EDIL3: variants seen among roughly 807,000 people sequenced by gnomAD.
EDIL3 encodes the protein EGF like and discoidin domains 3, also known as EGF-like repeat and discoidin I-like domain-containing protein 3.
Under a neutral mutation model 67.4 loss-of-function variants are expected in EDIL3, and 37 were observed. That is an observed-to-expected ratio of 0.55 (90% CI 0.42 to 0.72). The LOEUF (loss-of-function observed/expected upper bound fraction) is 0.72, where lower values mean the gene tolerates loss of function less well. Ranked by LOEUF, EDIL3 falls within the 30% of genes least tolerant of loss-of-function variation. The pLI, the probability that EDIL3 is intolerant of heterozygous loss-of-function variation, is 0.00. For missense variants in EDIL3, 527 were observed against 586.3 expected (o/e 0.90, Z 1.04); for synonymous variants, 195 against 196.3 (o/e 0.99, Z 0.05).
At chr5:84,374,394 C>A (rs1471943249) in intron 1 of EDIL3, among the ~76,000 whole-genome samples, 7 of 152,128 alleles carry the variant, frequency 4.6e-5, no homozygotes, top group Non-Finnish European at 2.9e-5. Flanking sequence ...AGAATATGTT[C>A]TCTGCTTATG....
intron 6 of EDIL3, among the ~76,000 whole-genome samples, chr5:84,083,452 G>A (rs1192831572): frequency 1.3e-5 from 2 of 152,148 alleles, no homozygotes; most frequent in Non-Finnish European, 2.9e-5. Flanking sequence ...GATGTTAAAA[G>A]AAAGAACAAT....
At chr5:84,070,675 G>T (rs994588514) in intron 6 of EDIL3, among the ~76,000 whole-genome samples, 1 of 151,146 alleles carries the variant, frequency 6.6e-6, no homozygotes, top group Non-Finnish European at 1.5e-5. Flanking sequence ...GTCTTACCAT[G>T]GGGGGTGGGA....
At chr5:84,374,270 T>TAAA (rs770824417) in intron 1 of EDIL3, among the ~76,000 whole-genome samples, 1 of 145,954 alleles carries the variant, frequency 6.9e-6, no homozygotes. Flanking sequence ...AAGAAAGGAG[T>TAAA]AAAAAATAAG....
At chr5:84,284,766 T>G (rs1478096254) in intron 1 of EDIL3, among the ~76,000 whole-genome samples, 1 of 152,162 alleles carries the variant, frequency 6.6e-6, no homozygotes, top group Non-Finnish European at 1.5e-5. Flanking sequence ...AGACCAAAGA[T>G]CATACTTGGA....
intron 9 of EDIL3, among the ~76,000 whole-genome samples, chr5:84,032,620 T>A (rs983299836): frequency 1.9e-4 from 29 of 152,150 alleles, no homozygotes; most frequent in Admixed American, 1.5e-3. Context: ...CAATAATAGT[T>A]TGGAAGAAAA....
At chr5:84,258,940 T>G (rs967477883) in intron 1 of EDIL3, among the ~76,000 whole-genome samples, 3 of 151,710 alleles carry the variant, frequency 2.0e-5, no homozygotes, top group African/African-American at 7.3e-5. Flanking sequence ...TTGTTTTCTG[T>G]TTGTTTCCCA....
chr5:84,375,752 T>C (rs1011822072), intron 1 of EDIL3, among the ~76,000 whole-genome samples: 11 of 152,184 alleles, frequency 7.2e-5, no homozygotes, highest in African/African-American at 2.4e-4. Context: ...AAAGAAAATG[T>C]ATTTCAAACC....
chr5:84,274,669 A>G (rs1258052825), intron 1 of EDIL3, among the ~76,000 whole-genome samples: 1 of 152,148 alleles, frequency 6.6e-6, no homozygotes, highest in Non-Finnish European at 1.5e-5. Context: ...GTAAATGGAC[A>G]TAGAAAAAAT....
chr5:84,167,359 A>G (rs1390725318), intron 4 of EDIL3, among the ~76,000 whole-genome samples: 1 of 152,002 alleles, frequency 6.6e-6, no homozygotes, highest in Non-Finnish European at 1.5e-5. Context: ...TCCTTTCCTC[A>G]GACTCCCACA....
At chr5:84,092,355 G>A (rs2112268907) in intron 6 of EDIL3, among the ~76,000 whole-genome samples, 1 of 152,230 alleles carries the variant, frequency 6.6e-6, no homozygotes, top group East Asian at 1.9e-4. Flanking sequence ...CTCAAACTTT[G>A]TAAATATAAT....
chr5:84,052,541 A>G (rs1746360240), intron 9 of EDIL3, among the ~76,000 whole-genome samples: 1 of 152,174 alleles, frequency 6.6e-6, no homozygotes, highest in Non-Finnish European at 1.5e-5. Flanking sequence ...AAGACCCATC[A>G]GTGTGCTGTA....
intron 1 of EDIL3, among the ~76,000 whole-genome samples, chr5:84,283,388 T>G (rs769438627): frequency 1.3e-5 from 2 of 152,178 alleles, no homozygotes; most frequent in African/African-American, 2.4e-5. Context: ...TCACCCTAAC[T>G]TCAATTTTTT....
intron 9 of EDIL3, among the ~76,000 whole-genome samples, chr5:84,052,045 AG>A (rs1204437515): frequency 6.6e-6 from 1 of 152,242 alleles, no homozygotes; most frequent in Non-Finnish European, 1.5e-5. Flanking sequence ...AAAAACGTTA[AG>A]GGCAGCCAGA....
intron 1 of EDIL3, among the ~76,000 whole-genome samples, chr5:84,261,690 C>A (rs947115587): frequency 6.6e-6 from 1 of 152,102 alleles, no homozygotes; most frequent in Non-Finnish European, 1.5e-5. Flanking sequence ...CAATAAAAGA[C>A]CATCCATTTC....
chr5:84,072,491 A>G (rs554690917), intron 6 of EDIL3, among the ~76,000 whole-genome samples: 1 of 152,332 alleles, frequency 6.6e-6, no homozygotes, highest in African/African-American at 2.4e-5. Flanking sequence ...GCATGTTTAT[A>G]TCTATGAGAC....
chr5:84,159,921 C>G (rs1041855237), intron 4 of EDIL3, among the ~76,000 whole-genome samples: 2 of 152,020 alleles, frequency 1.3e-5, no homozygotes, highest in African/African-American at 2.4e-5. Context: ...TGCTTTATCT[C>G]ATAATATTTT....
chr5:84,104,138 A>G (rs901828208), intron 6 of EDIL3, among the ~76,000 whole-genome samples: 5 of 152,008 alleles, frequency 3.3e-5, no homozygotes, highest in African/African-American at 1.2e-4. Flanking sequence ...CAAATACTAC[A>G]TGTTTTCCCT....
intron 1 of EDIL3, among the ~76,000 whole-genome samples, chr5:84,316,950 A>G (rs1412178735): frequency 2.0e-5 from 3 of 152,210 alleles, no homozygotes; most frequent in Non-Finnish European, 4.4e-5. Context: ...CTCAGGATTA[A>G]GAAACTCACT....
At chr5:84,336,682 G>GA (rs1746993582) in intron 1 of EDIL3, among the ~76,000 whole-genome samples, 1 of 152,094 alleles carries the variant, frequency 6.6e-6, no homozygotes, top group South Asian at 2.1e-4. Context: ...CAAGGTGAAT[G>GA]GTGGTGTCTT....
Sources: gnomAD v4.1 joint callset for allele counts (sites outside exome capture counted in the v4.1 genomes callset) on GRCh38, gnomAD v4.1.1 for gene constraint, MANE v1.5 for transcripts, NCBI Gene and HGNC (gene_info 2026-07-23, HGNC 2026-07-21) for gene names.